RNF175: variants seen among roughly 807,000 people sequenced by gnomAD.
The protein encoded by RNF175 is ring finger protein 175.
In RNF175, 38 loss-of-function variants were observed where a neutral mutation model predicts 50.0. The observed-to-expected ratio is 0.76, with a 90% CI of 0.59 to 1.00. The LOEUF is 1.00. Ranked by LOEUF, RNF175 falls within the 50% of genes least tolerant of loss-of-function variation. The probability of loss-of-function intolerance (pLI) is 0.00; values close to 1 mark genes in which losing one functional copy is unlikely to be tolerated. For missense variants in RNF175, 388 were observed against 409.6 expected (o/e 0.95, Z 0.46); for synonymous variants, 155 against 146.1 (o/e 1.06, Z -0.44).
intron 3 of RNF175, among the ~76,000 whole-genome samples, chr4:153,744,134 A>G (rs537260218): frequency 6.6e-6 from 1 of 152,268 alleles, no homozygotes; most frequent in Admixed American, 6.5e-5. Context: ...AAAAATCATC[A>G]AATCTGGCCA....
intron 1 of RNF175, among the ~76,000 whole-genome samples, chr4:153,752,266 C>T (rs1172411473): frequency 6.6e-6 from 1 of 152,204 alleles, no homozygotes; most frequent in African/African-American, 2.4e-5. Context: ...CAGAAGTTAG[C>T]AGAAAGGGAC....
intron 6 of RNF175, among the ~76,000 whole-genome samples, chr4:153,718,651 A>T (rs1169891917): frequency 1.3e-5 from 2 of 152,100 alleles, no homozygotes; most frequent in African/African-American, 2.4e-5. Context: ...TAAACACAAG[A>T]GGTTTTGGGA....
intron 3 of RNF175, among the ~76,000 whole-genome samples, chr4:153,731,233 T>C (rs1377722882): frequency 6.6e-6 from 1 of 152,226 alleles, no homozygotes; most frequent in East Asian, 1.9e-4. Context: ...TTAAAATTTC[T>C]CATTTTAAAT....
chr4:153,720,824 A>ATT (rs1738292627), intron 5 of RNF175, among the ~76,000 whole-genome samples: 1 of 152,264 alleles, frequency 6.6e-6, no homozygotes, highest in African/African-American at 2.4e-5. Context: ...ATTTTTAAAG[A>ATT]GCTTGTTAAG....
At chr4:153,753,365 C>T (rs1448862764) in intron 1 of RNF175, among the ~76,000 whole-genome samples, 3 of 152,112 alleles carry the variant, frequency 2.0e-5, no homozygotes, top group Non-Finnish European at 2.9e-5. Flanking sequence ...CCAAGAGGCA[C>T]CAGGCATGTG....
intron 3 of RNF175, among the ~76,000 whole-genome samples, chr4:153,736,509 G>A (rs1030266795): frequency 4.6e-5 from 7 of 151,996 alleles, no homozygotes; most frequent in Non-Finnish European, 1.0e-4. Context: ...TTTTATGAGG[G>A]TAATGCTGGC....
chr4:153,731,997 C>T (rs576496826), intron 3 of RNF175, among the ~76,000 whole-genome samples: 9 of 152,028 alleles, frequency 5.9e-5, no homozygotes, highest in South Asian at 2.1e-4. Context: ...TTTGGGAGGC[C>T]GAGATGGGTG....
In RNF175 at chr4:153,732,249, A is replaced by G. The variant is rs896212338; in HGVS notation, c.247-3888T>C. Reference sequence around the variant, plus strand: ...TCTGTCTCAAAAAAAAAAAACAAAAACAAAAAACAAAAAACAAAGAAGAAG... The same window carrying G: ...TCTGTCTCAAAAAAAAAAAACAAAAGCAAAAAACAAAAAACAAAGAAGAAG... On this transcript the variant is annotated intron_variant, in intron 3 of 8. Coordinates refer to ENST00000347063, the MANE Select transcript of RNF175 (RefSeq NM_173662.4). Among the ~76,000 whole-genome samples the G allele has an allele frequency of 4.6e-5, 7 of 151,916 alleles. No individual in the cohort carries two copies. The East Asian group carries it at 9.6e-4, about 21-fold the overall frequency.
At chr4:153,715,290 T>C in intron 7 of RNF175, 1 of 552,730 alleles carries the variant, frequency 1.8e-6, no homozygotes, top group Admixed American at 2.7e-5. Flanking sequence ...TTCCTGTCTA[T>C]GTGGCATTAA....
At chr4:153,712,715 G>A in intron 7 of RNF175, 139 bp from the exon 8 acceptor site, 2 of 646,878 alleles carry the variant, frequency 3.1e-6, no homozygotes, top group Non-Finnish European at 2.8e-6. Context: ...GGGAGGTTCT[G>A]TAAGGGACCT....
intron 2 of RNF175, 78 bp from the exon 3 acceptor site, chr4:153,748,864 CAAAA>C (rs780562258): frequency 7.2e-7 from 1 of 1,385,518 alleles, no homozygotes; most frequent in Non-Finnish European, 9.7e-7. Context: ...AAACAAAAAA[CAAAA>C]AAACAAAAAA....
intron 5 of RNF175, chr4:153,721,279 A>G (rs1738324374): frequency 6.6e-6 from 1 of 152,204 alleles, no homozygotes; most frequent in Non-Finnish European, 1.5e-5. Flanking sequence ...CTCAAATATC[A>G]GTGGTGACCC....
chr4:153,740,441 A>AT (rs994458877), intron 3 of RNF175, among the ~76,000 whole-genome samples: 1 of 152,120 alleles, frequency 6.6e-6, no homozygotes, highest in African/African-American at 2.4e-5. Flanking sequence ...AATATTTATC[A>AT]TTTTTTTGCA....
intron 7 of RNF175, chr4:153,714,643 A>G (rs1279604322): frequency 6.6e-6 from 1 of 152,228 alleles, no homozygotes; most frequent in Non-Finnish European, 1.5e-5. Context: ...AGGAAGAATT[A>G]AAATACTGAT....
At chr4:153,714,571 T>A (rs1170592652) in intron 7 of RNF175, 3 of 152,232 alleles carry the variant, frequency 2.0e-5, no homozygotes, top group Admixed American at 6.5e-5. Flanking sequence ...TACATAGCGA[T>A]GACATTATTA....
At chr4:153,756,228 C>T (rs1033240602) in intron 1 of RNF175, among the ~76,000 whole-genome samples, 1 of 152,108 alleles carries the variant, frequency 6.6e-6, no homozygotes, top group Non-Finnish European at 1.5e-5. Flanking sequence ...ATCCCTGTTC[C>T]AGCACCACAT....
At chr4:153,714,887 C>T (rs17030349) in intron 7 of RNF175, 36,001 of 157,894 alleles carry the variant, frequency 0.23, 4,115 homozygotes, top group Admixed American at 0.25. Context: ...GGGATAGAAC[C>T]CATTGGTGGA....
Position 153,715,511 on chromosome 4 carries a change from T to TG in RNF175, c.764+17_764+18insC. 2.6e-6 allele frequency: 4 copies of TG among 1,566,954 alleles called. No homozygotes were observed. The highest frequency in any genetic ancestry group is 3.5e-6 in the Non-Finnish European group (4 of 1,155,572). ...GGAGGCTTGATGAAGCCCAAACAAT[T>TG]TCCTTTGAAAAGGATACACATGATT... On this transcript the variant is annotated intron_variant, in intron 7 of 8. Coordinates refer to ENST00000347063, the MANE Select transcript of RNF175 (RefSeq NM_173662.4).
chr4:153,738,181 C>T (rs917223580), intron 3 of RNF175, among the ~76,000 whole-genome samples: 3 of 152,052 alleles, frequency 2.0e-5, no homozygotes, highest in African/African-American at 7.2e-5. Context: ...TCTGGAGTAG[C>T]TGGGACTACA....
Sources: gnomAD v4.1 joint callset for allele counts (sites outside exome capture counted in the v4.1 genomes callset) on GRCh38, gnomAD v4.1.1 for gene constraint, MANE v1.5 for transcripts, NCBI Gene and HGNC (gene_info 2026-07-23, HGNC 2026-07-21) for gene names.